GPM6A: variants seen among roughly 807,000 people sequenced by gnomAD.
GPM6A encodes the protein neuronal membrane glycoprotein M6-a.
A neutral mutation model predicts 32.1 loss-of-function variants in GPM6A; 7 were observed. That is an observed-to-expected ratio of 0.22 (90% CI 0.12 to 0.41). GPM6A has a LOEUF of 0.41. Among genes scored for constraint, GPM6A ranks in the 10% least tolerant of loss-of-function variants. The pLI is 1.00. For synonymous variants in GPM6A, 130 were observed against 123.4 expected, an observed-to-expected ratio of 1.05 and a Z score of -0.35; for missense variants, 235 against 347.2, an observed-to-expected ratio of 0.68 and a Z score of 2.57.
At chr4:175,812,949 G>A (rs1363075251), upstream of GPM6A, 1 of 985,218 alleles carries the variant, frequency 1.0e-6, no homozygotes, top group Non-Finnish European at 1.2e-6. Flanking sequence ...GACAGGACTT[G>A]TAATCCCACA....
chr4:175,916,060 C>G (rs1738482999), intron 1 of GPM6A, among the ~76,000 whole-genome samples: 1 of 152,196 alleles, frequency 6.6e-6, no homozygotes, highest in Non-Finnish European at 1.5e-5. Flanking sequence ...TGTTATTCTC[C>G]TATCTCCACA....
chr4:175,802,641 T>G (rs1579518438), intron 1 of GPM6A, among the ~76,000 whole-genome samples: 1 of 152,248 alleles, frequency 6.6e-6, no homozygotes, highest in East Asian at 1.9e-4. Context: ...GATTTCAAAC[T>G]GTTATTTCTT....
At chr4:175,992,450 C>CT in intron 1 of GPM6A, among the ~76,000 whole-genome samples, 1 of 152,256 alleles carries the variant, frequency 6.6e-6, no homozygotes, top group Admixed American at 6.5e-5. Context: ...GATCTGTCAG[C>CT]TTTGAGAAAT....
At chr4:175,896,325 C>T (rs1170540993) in intron 1 of GPM6A, among the ~76,000 whole-genome samples, 11 of 152,072 alleles carry the variant, frequency 7.2e-5, no homozygotes, top group Admixed American at 7.2e-4. Flanking sequence ...CTATGACAAA[C>T]TTTTTAGGGT....
intron 1 of GPM6A, among the ~76,000 whole-genome samples, chr4:175,944,720 C>G (rs1264299385): frequency 1.3e-5 from 2 of 152,162 alleles, no homozygotes; most frequent in African/African-American, 4.8e-5. Context: ...CTGGCTTTTG[C>G]CTTTTGGCCA....
At chr4:175,687,606 G>A (rs1264324137) in intron 2 of GPM6A, among the ~76,000 whole-genome samples, 1 of 151,820 alleles carries the variant, frequency 6.6e-6, no homozygotes, top group Non-Finnish European at 1.5e-5. Flanking sequence ...TCCACATCTT[G>A]AATACTGTGA....
chr4:175,737,217 T>C (rs141691807), intron 1 of GPM6A, among the ~76,000 whole-genome samples: 2 of 152,278 alleles, frequency 1.3e-5, no homozygotes, highest in East Asian at 1.9e-4. Flanking sequence ...AGCATTGCTA[T>C]AAAGGAATTC....
chr4:175,899,364 G>C (rs996822432), intron 1 of GPM6A, among the ~76,000 whole-genome samples: 8 of 152,032 alleles, frequency 5.3e-5, no homozygotes, highest in African/African-American at 1.5e-4. Context: ...TATATAAATA[G>C]ACAATAAATA....
chr4:175,963,485 C>A (rs1336993092), intron 1 of GPM6A, among the ~76,000 whole-genome samples: 1 of 151,754 alleles, frequency 6.6e-6, no homozygotes, highest in Non-Finnish European at 1.5e-5. Flanking sequence ...ACCATGCAAG[C>A]AAAATAGATA....
intron 1 of GPM6A, among the ~76,000 whole-genome samples, chr4:175,732,753 T>C (rs770949941): frequency 6.6e-6 from 1 of 152,198 alleles, no homozygotes; most frequent in African/African-American, 2.4e-5. Flanking sequence ...TACTTCTTCA[T>C]ACATTGAAGG....
At chr4:175,849,085 G>A (rs372356401) in intron 1 of GPM6A, among the ~76,000 whole-genome samples, 4 of 152,238 alleles carry the variant, frequency 2.6e-5, no homozygotes, top group Middle Eastern at 3.4e-3. Context: ...TTATAAATTT[G>A]TATAGATTTA....
intron 1 of GPM6A, among the ~76,000 whole-genome samples, chr4:175,824,425 C>T (rs970841008): frequency 3.9e-5 from 6 of 152,296 alleles, no homozygotes; most frequent in African/African-American, 1.4e-4. Flanking sequence ...AAGCTGTTTT[C>T]GGCATTTACT....
chr4:175,688,793 CATACATACATAT>C (rs1413828337), intron 2 of GPM6A, among the ~76,000 whole-genome samples: 5 of 152,256 alleles, frequency 3.3e-5, no homozygotes, highest in South Asian at 2.1e-4. Context: ...CCAATAAATA[CATACATACATAT>C]ATACATACAT....
chr4:175,690,818 T>C (rs1744254702), intron 2 of GPM6A, among the ~76,000 whole-genome samples: 2 of 152,186 alleles, frequency 1.3e-5, no homozygotes, highest in African/African-American at 4.8e-5. Context: ...ACATATGATG[T>C]TACAAGGATT....
At chr4:175,990,080 C>T (rs775079171) in intron 1 of GPM6A, among the ~76,000 whole-genome samples, 4 of 152,146 alleles carry the variant, frequency 2.6e-5, no homozygotes, top group Non-Finnish European at 4.4e-5. Flanking sequence ...TTGGAAGTTA[C>T]CAGAATTGTG....
At chr4:175,889,860 CAAAGA>C (rs1013901203) in intron 1 of GPM6A, among the ~76,000 whole-genome samples, 27 of 150,734 alleles carry the variant, frequency 1.8e-4, no homozygotes, top group African/African-American at 3.2e-4. Flanking sequence ...GAAAAACGAG[CAAAGA>C]AAAGAAAAGA....
intron 1 of GPM6A, among the ~76,000 whole-genome samples, chr4:175,842,630 A>AGCCTAGGCTGAGCCT (rs1256042382): frequency 2.0e-5 from 3 of 152,144 alleles, no homozygotes; most frequent in Non-Finnish European, 4.4e-5. Flanking sequence ...CTAGGAGTTC[A>AGCCTAGGCTGAGCCT]ATGCTTCAGT....
In GPM6A at chr4:175,946,991, T is replaced by G. The variant is rs79110335; in HGVS notation, c.-23+55318A>C. Among the ~76,000 whole-genome samples the G allele has an allele frequency of 7.1e-3, 1,079 of 152,298 alleles. 9 individuals carry two copies. Among genetic ancestry groups the G allele is most frequent in the Non-Finnish European group, 9.5e-3 (644 of 68,008 alleles). Reference sequence around the variant, plus strand: ...AAGAAAGCAAAATCATTTAAGAGCCTGCATTTGAAAATGCTTCATTTATAG... The same window carrying G: ...AAGAAAGCAAAATCATTTAAGAGCCGGCATTTGAAAATGCTTCATTTATAG... On this transcript the variant is annotated intron_variant, in intron 1 of 7. Transcript: ENST00000280187.
rs554152187 is a variant in GPM6A, at chr4:175,794,669, G to A, written c.37+17522C>T. Reference sequence around the variant, plus strand: ...TGCATGACTTATGATGAATATGGAAGCCTGGAAAAAGCTTCCTAATGAAGC... The same window carrying A: ...TGCATGACTTATGATGAATATGGAAACCTGGAAAAAGCTTCCTAATGAAGC... On this transcript the variant is annotated intron_variant, in intron 1 of 6. Coordinates refer to ENST00000393658, the MANE Select transcript of GPM6A (RefSeq NM_201591.3). Among the ~76,000 whole-genome samples the A allele has an allele frequency of 7.9e-5, 12 of 152,264 alleles. No homozygotes were observed. In the East Asian group the frequency reaches 2.1e-3, roughly 27 times the overall value.
Sources: gnomAD v4.1 joint callset for allele counts (sites outside exome capture counted in the v4.1 genomes callset) on GRCh38, gnomAD v4.1.1 for gene constraint, MANE v1.5 for transcripts, NCBI Gene and HGNC (gene_info 2026-07-23, HGNC 2026-07-21) for gene names.